Variants in CFAP251 observed in about 807,000 individuals in gnomAD.
CFAP251 encodes the protein cilia- and flagella-associated protein 251.
In CFAP251, 93 loss-of-function variants were observed where a neutral mutation model predicts 126.7. That is an observed-to-expected ratio of 0.73 (90% CI 0.62 to 0.87). CFAP251 has a LOEUF of 0.87. Among genes scored for constraint, CFAP251 ranks in the 40% least tolerant of loss-of-function variants. The pLI is 0.00. For synonymous variants in CFAP251, 503 were observed against 506.9 expected (o/e 0.99, Z 0.10); for missense variants, 1,287 against 1,389.2 (o/e 0.93, Z 1.17).
intron 13 of CFAP251, chr12:121,959,322 C>G (rs1881844452): frequency 2.4e-6 from 1 of 423,638 alleles, no homozygotes; most frequent in South Asian, 4.6e-5. Flanking sequence ...ACATCTGTAG[C>G]CCCAGTTATC....
At chr12:122,001,720 A>T in intron 21 of CFAP251, 122 bp downstream of exon 21, 2 of 764,154 alleles carry the variant, frequency 2.6e-6, no homozygotes, top group Non-Finnish European at 4.6e-6. Flanking sequence ...ATAACAAAGC[A>T]TGTCTGTTGG....
chr12:121,977,819 C>T (rs2309277), intron 19 of CFAP251, among the ~76,000 whole-genome samples: 6,506 of 149,822 alleles, frequency 0.043, 489 homozygotes, highest in African/African-American at 0.15. Context: ...ATTAGCCGGG[C>T]GTGGTGGTGG....
intron 19 of CFAP251, among the ~76,000 whole-genome samples, chr12:121,986,234 C>T (rs1017815239): frequency 3.3e-5 from 5 of 151,954 alleles, no homozygotes; most frequent in Admixed American, 3.3e-4. Context: ...TCAGATGATC[C>T]TCCCACCTTG....
intron 17 of CFAP251, among the ~76,000 whole-genome samples, chr12:121,970,375 G>A (rs1026246609): frequency 6.6e-6 from 1 of 152,038 alleles, no homozygotes; most frequent in Non-Finnish European, 1.5e-5. Flanking sequence ...GAGAGACCCC[G>A]ATTCGAATCC....
intron 19 of CFAP251, among the ~76,000 whole-genome samples, chr12:121,979,343 G>C (rs1882557396): frequency 6.6e-6 from 1 of 152,108 alleles, no homozygotes; most frequent in Non-Finnish European, 1.5e-5. Flanking sequence ...TTTCCAAAGA[G>C]TGTTCCCTAG....
At chr12:121,960,374 C>T (rs1480312247) in intron 13 of CFAP251, among the ~76,000 whole-genome samples, 7 of 152,224 alleles carry the variant, frequency 4.6e-5, no homozygotes, top group East Asian at 1.9e-4. Flanking sequence ...TGTGCCACCA[C>T]GCCCAGCTAA....
intron 15 of CFAP251, among the ~76,000 whole-genome samples, chr12:121,965,474 G>A (rs1882088468): frequency 6.6e-6 from 1 of 152,100 alleles, no homozygotes; most frequent in Non-Finnish European, 1.5e-5. Flanking sequence ...GTAAACGGAT[G>A]TCTTGTTTGA....
chr12:121,936,237 G>A (rs1313516181), intron 5 of CFAP251, among the ~76,000 whole-genome samples: 4 of 152,194 alleles, frequency 2.6e-5, no homozygotes, highest in African/African-American at 9.7e-5. Flanking sequence ...GAGGCAGGAG[G>A]ATCACTTGAG....
At chr12:121,973,310 G>A (rs953928133) in intron 17 of CFAP251, among the ~76,000 whole-genome samples, 15 of 152,252 alleles carry the variant, frequency 9.9e-5, no homozygotes, top group African/African-American at 3.6e-4. Flanking sequence ...CTAGATTTCA[G>A]AAGGTGTATG....
At chr12:121,951,264 G>A (rs953564556) in intron 8 of CFAP251, 1 of 409,644 alleles carries the variant, frequency 2.4e-6, no homozygotes, top group Non-Finnish European at 4.4e-6. Flanking sequence ...GAAAAAAAAA[G>A]TCATAATCAT....
At position 121,960,655 on chromosome 12, in the gene CFAP251, C is replaced by G; in HGVS notation, c.2204C>G (p.Ala735Gly). Residue 735 changes from alanine to glycine, a missense_variant, in exon 14 of 22, where the codon GCA (alanine) becomes GGA (glycine). By Grantham distance (60) the Ala-to-Gly change is moderately conservative. Coordinates refer to ENST00000288912, the MANE Select transcript of CFAP251 (RefSeq NM_144668.6). ...GGACAGAGGGTCTGGGAGTACTTAG[C>G]AAGACTTCGCTCTCATCGCAAAAGC... is the stretch of plus-strand genomic sequence containing the variant. ...RNGQRVWEYL[A>G]RLRSHRKSIR... The G allele has an allele frequency of 5.0e-6, 8 of 1,614,140 alleles. No individual in the cohort carries two copies. Among genetic ancestry groups the G allele is most frequent in the Non-Finnish European group, 6.8e-6 (8 of 1,179,994 alleles).
At chr12:121,928,795 C>T (rs1183976118) in intron 3 of CFAP251, among the ~76,000 whole-genome samples, 1 of 151,270 alleles carries the variant, frequency 6.6e-6, no homozygotes, top group Non-Finnish European at 1.5e-5. Flanking sequence ...CTCCTAGGCT[C>T]AGTCAATCCT....
intron 11 of CFAP251, 114 bp from the exon 12 acceptor site, chr12:121,958,158 A>G: frequency 6.9e-7 from 1 of 1,448,086 alleles, no homozygotes; most frequent in South Asian, 1.3e-5. Flanking sequence ...TGGGTTAATA[A>G]TGTCACTAAA....
intron 11 of CFAP251, among the ~76,000 whole-genome samples, chr12:121,957,903 C>T (rs1881785879): frequency 6.6e-6 from 1 of 152,148 alleles, no homozygotes; most frequent in South Asian, 2.1e-4. Flanking sequence ...ATAGCCATAA[C>T]ATTTCAAGAC....
chr12:121,934,013 G>A (rs1397651344), intron 4 of CFAP251, among the ~76,000 whole-genome samples: 2 of 152,136 alleles, frequency 1.3e-5, no homozygotes, highest in Non-Finnish European at 2.9e-5. Context: ...ACCTCTAGGA[G>A]CCACTGTTCA....
chr12:121,948,871 G>C, intron 7 of CFAP251, 113 bp from the exon 8 acceptor site: 1 of 613,502 alleles, frequency 1.6e-6, no homozygotes, highest in Non-Finnish European at 2.7e-6. Flanking sequence ...TATCTTTTCT[G>C]TTTTATATTC....
intron 19 of CFAP251, chr12:121,999,306 T>C (rs563650030): frequency 6.5e-6 from 1 of 154,966 alleles, no homozygotes; most frequent in East Asian, 1.9e-4. Context: ...GGAGGATTTT[T>C]CCATCTAAAA....
At chr12:121,987,419 A>C (rs1043283184) in intron 19 of CFAP251, among the ~76,000 whole-genome samples, 2 of 152,140 alleles carry the variant, frequency 1.3e-5, no homozygotes, top group East Asian at 3.9e-4. Flanking sequence ...ATTAAAAAGA[A>C]TGCAGGCGAT....
chr12:121,973,360 C>T (rs577380406), intron 17 of CFAP251, among the ~76,000 whole-genome samples: 39 of 152,306 alleles, frequency 2.6e-4, no homozygotes, highest in African/African-American at 7.9e-4. Context: ...GTTGCAGGGG[C>T]GGGGCCCTCA....
Sources: allele counts gnomAD v4.1 joint callset (sites outside exome capture counted in the v4.1 genomes callset), GRCh38; gene constraint gnomAD v4.1.1; transcripts MANE v1.5; gene names NCBI Gene and HGNC (gene_info 2026-07-23, HGNC 2026-07-21).